The following MIR17HG variants were observed in gnomAD, a reference collection of about 807,000 sequenced individuals.
MIR17HG encodes the protein miR-17-92a-1 cluster host gene, also known as MIR17 host gene (non-protein coding).
chr13:91,348,040 G>T, intron 1 of MIR17HG: 1 of 150,322 alleles, frequency 6.7e-6, no homozygotes, highest in South Asian at 1.9e-4. Context: ...GGAGCGGCCC[G>T]GGGCGGACTG....
chr13:91,351,143 A>G (rs1400136392), intron 3 of MIR17HG: 3 of 523,968 alleles, frequency 5.7e-6, no homozygotes, highest in East Asian at 5.6e-5. Flanking sequence ...TGCTAGCTGT[A>G]GAACTCCAGC....
exon 4 of MIR17HG, chr13:91,354,189 A>G (rs1875460920): frequency 6.6e-6 from 1 of 152,348 alleles, no homozygotes; most frequent in South Asian, 2.1e-4. Flanking sequence ...TTAGTGTTTG[A>G]TGGAAATAAG....
chr13:91,349,996 A>G (rs1164260948), intron 2 of MIR17HG: 1 of 152,594 alleles, frequency 6.6e-6, no homozygotes, highest in Non-Finnish European at 1.5e-5. Context: ...TGGCTTATGC[A>G]GTTTACGAAA....
chr13:91,350,575 A>C (rs113832160), intron 3 of MIR17HG: 3 of 533,630 alleles, frequency 5.6e-6, no homozygotes, highest in Middle Eastern at 4.7e-4. Flanking sequence ...AAAAGAGAAC[A>C]TCACCTTGTA....
intron 3 of MIR17HG, among the ~76,000 whole-genome samples, chr13:91,353,266 ATG>A (rs2138695892): frequency 1.3e-5 from 2 of 152,322 alleles, no homozygotes; most frequent in Admixed American, 1.3e-4. Context: ...ATATTCTAAA[ATG>A]TAAGTCAAAT....
exon 4 of MIR17HG, chr13:91,354,517 A>G (rs2138697295): frequency 6.6e-6 from 1 of 152,298 alleles, no homozygotes; most frequent in South Asian, 2.1e-4. Context: ...AAAATACTGC[A>G]TTTTAAAGCT....
At chr13:91,348,494 G>A (rs1056609303) in intron 1 of MIR17HG, among the ~76,000 whole-genome samples, 3 of 151,320 alleles carry the variant, frequency 2.0e-5, no homozygotes, top group Non-Finnish European at 4.4e-5. Context: ...AGCGGGCGGC[G>A]TGGCGTGGGC....
At chr13:91,354,070 T>TA (rs1875455141) in exon 4 of MIR17HG, 2 of 152,568 alleles carry the variant, frequency 1.3e-5, no homozygotes, top group African/African-American at 4.8e-5. Context: ...TATTTAATGA[T>TA]ACACTGTTTA....
chr13:91,348,020 C>CGGGCG (rs1233292434), intron 1 of MIR17HG: 1 of 151,368 alleles, frequency 6.6e-6, no homozygotes, highest in South Asian at 1.9e-4. Flanking sequence ...CCGGGTCTGG[C>CGGGCG]GGGCGGGGCG....
chr13:91,349,248 G>A (rs1419796132), intron 1 of MIR17HG, among the ~76,000 whole-genome samples: 3 of 152,200 alleles, frequency 2.0e-5, no homozygotes, highest in African/African-American at 7.2e-5. Flanking sequence ...GCTCGTCGTT[G>A]CAATATCACC....
intron 3 of MIR17HG, chr13:91,350,516 T>TA: frequency 1.9e-6 from 1 of 523,882 alleles, no homozygotes; most frequent in South Asian, 1.4e-5. Flanking sequence ...TTATAGTTGT[T>TA]AGAGTTTGAG....
At chr13:91,353,272 G>A (rs1311178751) in intron 3 of MIR17HG, among the ~76,000 whole-genome samples, 2 of 152,126 alleles carry the variant, frequency 1.3e-5, no homozygotes, top group Non-Finnish European at 2.9e-5. Context: ...TAAAATGTAA[G>A]TCAAATATGT....
intron 1 of MIR17HG, among the ~76,000 whole-genome samples, chr13:91,348,304 C>A (rs1875072239): frequency 6.7e-6 from 1 of 150,008 alleles, no homozygotes; most frequent in East Asian, 2.0e-4. Context: ...GGGGAGAGGA[C>A]GTGCGAGGCC....
intron 1 of MIR17HG, among the ~76,000 whole-genome samples, chr13:91,349,199 C>G (rs1875150158): frequency 6.6e-6 from 1 of 152,114 alleles, no homozygotes; most frequent in Non-Finnish European, 1.5e-5. Flanking sequence ...TCTTCTGTTC[C>G]TAAACTGCAG....
At chr13:91,348,211 G>A (rs1417314908) in intron 1 of MIR17HG, among the ~76,000 whole-genome samples, 1 of 149,768 alleles carries the variant, frequency 6.7e-6, no homozygotes, top group Admixed American at 6.6e-5. Context: ...GCGTGCGCGT[G>A]GCGGCCGCGC....
intron 3 of MIR17HG, chr13:91,351,716 A>G: frequency 4.9e-6 from 1 of 205,810 alleles, no homozygotes; most frequent in East Asian, 9.5e-5. Flanking sequence ...TTATTCCAGG[A>G]TATTTTACTT....
intron 3 of MIR17HG, chr13:91,352,263 A>G (rs1438878240): frequency 6.6e-6 from 1 of 152,114 alleles, no homozygotes; most frequent in African/African-American, 2.4e-5. Flanking sequence ...TTAGTGTTTT[A>G]CCCAGCATTT....
At chr13:91,349,381 CTT>C in intron 1 of MIR17HG, among the ~76,000 whole-genome samples, 1 of 146,880 alleles carries the variant, frequency 6.8e-6, no homozygotes, top group South Asian at 2.2e-4. Context: ...CTGTGGGCTG[CTT>C]TTTTTTTTTC....
intron 1 of MIR17HG, among the ~76,000 whole-genome samples, chr13:91,348,913 G>C (rs1174941217): frequency 4.0e-5 from 6 of 149,322 alleles, no homozygotes; most frequent in Admixed American, 3.3e-4. Context: ...CCGCCCCTCT[G>C]GGCCGGGCTC....
Sources: allele counts gnomAD v4.1 joint callset (sites outside exome capture counted in the v4.1 genomes callset), GRCh38; gene constraint gnomAD v4.1.1; transcripts MANE v1.5; gene names NCBI Gene and HGNC (gene_info 2026-07-23, HGNC 2026-07-21).